Variants in ANKS1B observed in about 807,000 individuals in gnomAD.
ANKS1B encodes the protein ankyrin repeat and sterile alpha motif domain-containing protein 1B.
ANKS1B carries 36 observed loss-of-function variants against 148.3 expected under a neutral mutation model. That is an observed-to-expected ratio of 0.24 (90% CI 0.19 to 0.32). ANKS1B has a LOEUF of 0.32. Among genes scored for constraint, ANKS1B ranks in the 10% least tolerant of loss-of-function variants. ANKS1B has a pLI of 1.00. For synonymous variants in ANKS1B, 542 were observed against 560.8 expected, an observed-to-expected ratio of 0.97 and a Z score of 0.47; for missense variants, 1,157 against 1,542.6, an observed-to-expected ratio of 0.75 and a Z score of 4.19.
At chr12:99,776,119 A>C (rs1450204417) in intron 6 of ANKS1B, among the ~76,000 whole-genome samples, 1 of 152,230 alleles carries the variant, frequency 6.6e-6, no homozygotes, top group Non-Finnish European at 1.5e-5. Flanking sequence ...GAATAAGTTC[A>C]TTTCAAAATG....
intron 1 of ANKS1B, among the ~76,000 whole-genome samples, chr12:99,886,447 C>A (rs2092824768): frequency 6.6e-6 from 1 of 152,042 alleles, no homozygotes; most frequent in Non-Finnish European, 1.5e-5. Context: ...GTAATTAATT[C>A]TTTCTTAATA....
intron 9 of ANKS1B, among the ~76,000 whole-genome samples, chr12:99,635,521 A>G: frequency 6.6e-6 from 1 of 152,202 alleles, no homozygotes; most frequent in East Asian, 1.9e-4. Context: ...ATATTGTATG[A>G]TTCCACTTAG....
At chr12:99,668,569 A>G (rs906190185) in intron 8 of ANKS1B, among the ~76,000 whole-genome samples, 4 of 152,042 alleles carry the variant, frequency 2.6e-5, no homozygotes, top group Admixed American at 6.6e-5. Flanking sequence ...TTAGTTAAAA[A>G]TATTTTCTAA....
At chr12:99,292,939 G>A (rs1056525888) in intron 12 of ANKS1B, among the ~76,000 whole-genome samples, 46 of 152,298 alleles carry the variant, frequency 3.0e-4, no homozygotes, top group African/African-American at 9.1e-4. Flanking sequence ...GGAAGACAGC[G>A]TGGCGATTCC....
At chr12:99,325,081 A>G (rs2086053574) in intron 12 of ANKS1B, among the ~76,000 whole-genome samples, 1 of 152,178 alleles carries the variant, frequency 6.6e-6, no homozygotes, top group South Asian at 2.1e-4. Context: ...TGTATACACG[A>G]TGGTGGTCCC....
intron 9 of ANKS1B, among the ~76,000 whole-genome samples, chr12:99,604,267 CAT>C (rs1183304514): frequency 2.0e-5 from 3 of 152,008 alleles, no homozygotes; most frequent in Non-Finnish European, 4.4e-5. Context: ...TTTAAACACT[CAT>C]ATGAATAACA....
intron 1 of ANKS1B, 65 bp from the exon 2 acceptor site, chr12:99,825,454 A>C: frequency 7.7e-7 from 1 of 1,297,014 alleles, no homozygotes; most frequent in Non-Finnish European, 1.1e-6. Flanking sequence ...AAACAAAAAG[A>C]AGGCTGGTAG....
intron 14 of ANKS1B, among the ~76,000 whole-genome samples, chr12:99,168,657 G>A (rs1442234966): frequency 1.3e-5 from 2 of 152,120 alleles, no homozygotes; most frequent in Non-Finnish European, 2.9e-5. Context: ...GAGACTCAAA[G>A]GTATTGAGGG....
At chr12:99,283,833 A>G (rs1480807729) in intron 12 of ANKS1B, among the ~76,000 whole-genome samples, 1 of 152,172 alleles carries the variant, frequency 6.6e-6, no homozygotes, top group Non-Finnish European at 1.5e-5. Flanking sequence ...TACTGAATAA[A>G]CCAGGGGTAG....
intron 17 of ANKS1B, among the ~76,000 whole-genome samples, chr12:98,911,923 C>T (rs186577132): frequency 6.6e-6 from 1 of 152,292 alleles, no homozygotes; most frequent in Non-Finnish European, 1.5e-5. Context: ...TCAGGGACAC[C>T]TTGACTGGGT....
At chr12:99,038,369 A>G (rs12146873) in intron 17 of ANKS1B, among the ~76,000 whole-genome samples, 4 of 152,022 alleles carry the variant, frequency 2.6e-5, no homozygotes, top group Admixed American at 1.3e-4. Flanking sequence ...CACATTCATC[A>G]TCTCTATTTT....
intron 12 of ANKS1B, among the ~76,000 whole-genome samples, chr12:99,251,721 T>C (rs576162063): frequency 2.0e-5 from 3 of 152,224 alleles, no homozygotes; most frequent in Non-Finnish European, 4.4e-5. Flanking sequence ...TTTCATGCTA[T>C]GGAAAAATTA....
At chr12:98,757,083 A>G (rs1439116298) in intron 25 of ANKS1B, among the ~76,000 whole-genome samples, 1 of 152,032 alleles carries the variant, frequency 6.6e-6, no homozygotes, top group Non-Finnish European at 1.5e-5. Context: ...CTATCCTGAG[A>G]TCATCATGCT....
At chr12:99,675,706 C>G (rs1308691467) in intron 8 of ANKS1B, among the ~76,000 whole-genome samples, 1 of 151,658 alleles carries the variant, frequency 6.6e-6, no homozygotes, top group Non-Finnish European at 1.5e-5. Context: ...ATTTTTTACT[C>G]AAGGATATTT....
intron 12 of ANKS1B, among the ~76,000 whole-genome samples, chr12:99,365,901 A>AAAAATAAG (rs1397187503): frequency 6.6e-6 from 1 of 152,238 alleles, no homozygotes; most frequent in Admixed American, 6.5e-5. Context: ...AATTGTATAA[A>AAAAATAAG]AAAATAAGAA....
intron 9 of ANKS1B, among the ~76,000 whole-genome samples, chr12:99,630,155 A>G (rs2098143413): frequency 6.6e-6 from 1 of 152,216 alleles, no homozygotes; most frequent in Admixed American, 6.5e-5. Flanking sequence ...ATATAGAAAT[A>G]TGAAGCATAT....
chr12:99,063,972 T>C (rs949779415), intron 16 of ANKS1B, among the ~76,000 whole-genome samples: 64 of 152,274 alleles, frequency 4.2e-4, no homozygotes, highest in African/African-American at 1.5e-3. Flanking sequence ...AAGAGAAACA[T>C]AAACCCTCAG....
intron 8 of ANKS1B, among the ~76,000 whole-genome samples, chr12:99,754,917 C>A (rs557613020): frequency 1.3e-5 from 2 of 151,990 alleles, no homozygotes; most frequent in African/African-American, 4.8e-5. Flanking sequence ...AAGTTAACAA[C>A]CTAACATCAC....
chr12:99,955,492 CAAAAAAAAAAAAAAAAAA>C (rs61654867), intron 1 of ANKS1B, among the ~76,000 whole-genome samples: 31 of 38,096 alleles, frequency 8.1e-4, no homozygotes, highest in Admixed American at 2.0e-3. Flanking sequence ...AACTCCGTCT[CAAAAAAAAAAAAAAAAAA>C]AAAAAAAAAA....
Sources: allele counts gnomAD v4.1 joint callset (sites outside exome capture counted in the v4.1 genomes callset), GRCh38; gene constraint gnomAD v4.1.1; transcripts MANE v1.5; gene names NCBI Gene and HGNC (gene_info 2026-07-23, HGNC 2026-07-21).